The following ANKRD6 variants were observed in gnomAD, a reference collection of about 807,000 sequenced individuals.
ANKRD6 encodes the protein ankyrin repeat domain-containing protein 6.
ANKRD6 carries 56 observed loss-of-function variants against 82.3 expected under a neutral mutation model. The ratio of observed to expected loss-of-function variants is 0.68; its 90% CI spans 0.55 to 0.85. The LOEUF (loss-of-function observed/expected upper bound fraction) is 0.85, where lower values mean the gene tolerates loss of function less well. ANKRD6 is among the 40% of genes least tolerant of loss of function. ANKRD6 has a pLI of 0.00. For synonymous variants in ANKRD6, 347 were observed against 352.1 expected (o/e 0.99, Z 0.16); for missense variants, 852 against 907.6 (o/e 0.94, Z 0.79).
intron 1 of ANKRD6, among the ~76,000 whole-genome samples, chr6:89,455,804 G>A (rs1424407691): frequency 2.0e-5 from 3 of 152,020 alleles, no homozygotes; most frequent in Non-Finnish European, 2.9e-5. Context: ...TTCCTGTACA[G>A]CCTGCAGAAC....
intron 5 of ANKRD6, among the ~76,000 whole-genome samples, chr6:89,609,231 C>T (rs1230261845): frequency 1.3e-5 from 2 of 152,194 alleles, no homozygotes; most frequent in Admixed American, 6.5e-5. Context: ...GCTCACAGCT[C>T]AGGAGGTGGG....
chr6:89,484,315 G>GAT (rs1350886100), intron 1 of ANKRD6, among the ~76,000 whole-genome samples: 1 of 152,170 alleles, frequency 6.6e-6, no homozygotes, highest in Non-Finnish European at 1.5e-5. Context: ...CAGGGTAGAG[G>GAT]ATATATGTCT....
intron 1 of ANKRD6, among the ~76,000 whole-genome samples, chr6:89,484,753 GCAGT>G (rs1352590191): frequency 7.2e-5 from 11 of 152,232 alleles, no homozygotes; most frequent in Non-Finnish European, 1.2e-4. Context: ...AAAAGTTCAA[GCAGT>G]CAGTCTTCTA....
chr6:89,557,109 A>G (rs1583265362), intron 1 of ANKRD6, among the ~76,000 whole-genome samples: 1 of 152,292 alleles, frequency 6.6e-6, no homozygotes, highest in East Asian at 1.9e-4. Flanking sequence ...GGACACAGGA[A>G]AAGGAACAGG....
rs766315115 is a variant in ANKRD6, at chr6:89,630,627, G to A, written c.1807G>A (p.Ala603Thr). 4 of 1,613,888 alleles carry A rather than the reference G, an allele frequency of 2.5e-6. No homozygotes were observed. The South Asian group carries it at 4.4e-5, about 18-fold the overall frequency. The change falls in exon 16 of 16, where the codon GCA (alanine) becomes ACA (threonine). Residue 603 changes from alanine (A) to threonine (T), a missense_variant. Physicochemically the swap from Ala to Thr is moderately conservative, Grantham distance 58. Transcript: ENST00000339746. The part of the protein sequence containing the change: ...VQTALLPMNE[A>T]ARSDQQAGPC... ...GACAGCCTTGCTACCCATGAATGAG[G>A]CAGCCAGATCTGATCAGCAGGCTGG...
intron 1 of ANKRD6, among the ~76,000 whole-genome samples, chr6:89,469,943 A>G (rs1474563069): frequency 6.6e-6 from 1 of 152,148 alleles, no homozygotes; most frequent in African/African-American, 2.4e-5. Flanking sequence ...TTCTCCTTCT[A>G]CAGCCATCTC....
At position 89,567,059 on chromosome 6, in the gene ANKRD6, A is replaced by T; in HGVS notation, c.83A>T (p.Gln28Leu). The change falls in exon 2 of 16, where the codon CAG becomes CTG. Residue 28 changes from glutamine to leucine, a missense_variant. Physicochemically the swap from Gln to Leu is moderately radical, Grantham distance 113. Transcript: ENST00000339746. ...AYKGQTENVV[Q>L]LINKGARVAV... ...AAAGGCCAAACAGAGAATGTGGTTC[A>T]GCTCATCAACAAGGGCGCCAGGGTA... The T allele has an allele frequency of 1.2e-6, 2 of 1,606,448 alleles. No individual in the cohort carries two copies. The highest frequency in any genetic ancestry group is 1.7e-6 in the Non-Finnish European group (2 of 1,176,298).
In ANKRD6 at chr6:89,514,322, G is replaced by A. The variant is rs1405250987; in HGVS notation, c.-143-52512G>A. ...GAACCTGGGGGGCGGAGGTTGCAGT[G>A]AGCTGAGATTGTGCCACTGCACTCC... On this transcript the variant is annotated intron_variant, in intron 1 of 15. Coordinates refer to ENST00000339746, the MANE Select transcript of ANKRD6 (RefSeq NM_001242809.2). 2.0e-5 allele frequency among the ~76,000 whole-genome samples: 3 copies of A among 152,110 alleles called. No individual in the cohort carries two copies. In the South Asian group the frequency reaches 6.2e-4, roughly 32 times the overall value.
chr6:89,505,791 C>T (rs182309794), intron 1 of ANKRD6, among the ~76,000 whole-genome samples: 35 of 152,330 alleles, frequency 2.3e-4, no homozygotes, highest in Non-Finnish European at 1.5e-5. Context: ...CAGCACCCCA[C>T]GTTTGTTGCA....
At chr6:89,618,209 C>A in intron 9 of ANKRD6, 178 bp downstream of exon 9, 1 of 739,512 alleles carries the variant, frequency 1.4e-6, no homozygotes. Flanking sequence ...GCATCAAGTC[C>A]AGCTCTTCGT....
chr6:89,590,652 C>G (rs986782128), intron 2 of ANKRD6, among the ~76,000 whole-genome samples: 6 of 152,170 alleles, frequency 3.9e-5, no homozygotes, highest in Non-Finnish European at 8.8e-5. Flanking sequence ...CATGAAGCCC[C>G]TGCTCTGCCA....
chr6:89,526,053 C>T (rs914462469), intron 1 of ANKRD6, among the ~76,000 whole-genome samples: 13 of 152,342 alleles, frequency 8.5e-5, no homozygotes, highest in African/African-American at 3.1e-4. Flanking sequence ...GGGCTGTGCC[C>T]GCCAAGCCCT....
At chr6:89,467,548 C>T (rs1187837564) in intron 1 of ANKRD6, among the ~76,000 whole-genome samples, 1 of 152,188 alleles carries the variant, frequency 6.6e-6, no homozygotes, top group African/African-American at 2.4e-5. Flanking sequence ...GGTTTATGCA[C>T]TGTACTTTTC....
At chr6:89,523,647 G>C (rs1163984177) in intron 1 of ANKRD6, among the ~76,000 whole-genome samples, 1 of 152,110 alleles carries the variant, frequency 6.6e-6, no homozygotes, top group African/African-American at 2.4e-5. Context: ...TACCCATAGT[G>C]ATGCTGAGAA....
intron 1 of ANKRD6, chr6:89,562,601 G>A (rs960686657): frequency 6.6e-6 from 1 of 152,206 alleles, no homozygotes; most frequent in African/African-American, 2.4e-5. Flanking sequence ...TCTGCTGGCA[G>A]GAGGGAGCAG....
chr6:89,433,960 C>A lies in ANKRD6; in HGVS notation c.-144+585C>A, dbSNP rs1224909334. On this transcript the variant is annotated intron_variant, in intron 1 of 15. Transcript: ENST00000339746. The surrounding 1 kb of genome is among the most constrained non-coding windows in gnomAD (Gnocchi z 4.3). ...CAGACATCAGCTCACCCAAGCTTAT[C>A]TTGGGCTTTTAAGTGTGTTGCTTCC... Among the ~76,000 whole-genome samples, 1 of 152,194 alleles carries A rather than the reference C, an allele frequency of 6.6e-6. No individual in the cohort carries two copies. Among genetic ancestry groups the A allele is most frequent in the African/African-American group, 2.4e-5 (1 of 41,452 alleles).
intron 1 of ANKRD6, among the ~76,000 whole-genome samples, chr6:89,440,249 A>G (rs1273452306): frequency 6.6e-6 from 1 of 152,266 alleles, no homozygotes; most frequent in Non-Finnish European, 1.5e-5. Flanking sequence ...CATCTTCAAC[A>G]AAGAACAGTA....
At chr6:89,541,701 C>A (rs1051501170) in intron 1 of ANKRD6, among the ~76,000 whole-genome samples, 7 of 151,782 alleles carry the variant, frequency 4.6e-5, no homozygotes, top group Non-Finnish European at 1.0e-4. Context: ...TTCTTTTTTA[C>A]ATTGTTCACT....
intron 6 of ANKRD6, among the ~76,000 whole-genome samples, chr6:89,613,585 C>A (rs1336247754): frequency 3.3e-5 from 5 of 152,178 alleles, no homozygotes; most frequent in Non-Finnish European, 7.3e-5. Flanking sequence ...CGTGGTTGTT[C>A]TGCACAGGCA....
Sources: allele counts gnomAD v4.1 joint callset (sites outside exome capture counted in the v4.1 genomes callset), GRCh38; gene constraint gnomAD v4.1.1; non-coding constraint Gnocchi (gnomAD v3.1); transcripts MANE v1.5; gene names NCBI Gene and HGNC (gene_info 2026-07-23, HGNC 2026-07-21).